The following SMYD3 variants were observed in gnomAD, a reference collection of about 807,000 sequenced individuals.
The protein encoded by SMYD3 is histone-lysine N-methyltransferase SMYD3.
A neutral mutation model predicts 57.7 loss-of-function variants in SMYD3; 36 were observed. The observed-to-expected ratio is 0.62, with a 90% CI of 0.48 to 0.82. The LOEUF (loss-of-function observed/expected upper bound fraction) is 0.82. Among genes scored for constraint, SMYD3 ranks in the 40% least tolerant of loss-of-function variants. The pLI is 0.00. For synonymous variants in SMYD3, 211 were observed against 195.0 expected (o/e 1.08, Z -0.68); for missense variants, 515 against 538.8 (o/e 0.96, Z 0.44).
chr1:245,782,874 A>G (rs1355118245), intron 10 of SMYD3, among the ~76,000 whole-genome samples: 1 of 152,224 alleles, frequency 6.6e-6, no homozygotes, highest in Non-Finnish European at 1.5e-5. Flanking sequence ...AGGGCAATGC[A>G]TAGTGAAACG....
At chr1:246,179,557 T>C (rs1175463961) in intron 5 of SMYD3, among the ~76,000 whole-genome samples, 2 of 152,214 alleles carry the variant, frequency 1.3e-5, no homozygotes, top group African/African-American at 4.8e-5. Context: ...ACAGCTGATT[T>C]ATTCGGATTC....
chr1:245,950,036 A>G (rs2057573358), intron 5 of SMYD3, among the ~76,000 whole-genome samples: 1 of 152,196 alleles, frequency 6.6e-6, no homozygotes, highest in Admixed American at 6.5e-5. Flanking sequence ...AAATGGAAGA[A>G]GCAATTGTTA....
intron 8 of SMYD3, among the ~76,000 whole-genome samples, chr1:245,886,350 AC>A (rs1164839140): frequency 6.6e-6 from 1 of 152,136 alleles, no homozygotes; most frequent in African/African-American, 2.4e-5. Context: ...GGGTCTGAAA[AC>A]GGCTTGTCAA....
intron 5 of SMYD3, among the ~76,000 whole-genome samples, chr1:245,981,216 G>T (rs566790123): frequency 6.6e-6 from 1 of 152,298 alleles, no homozygotes; most frequent in African/African-American, 2.4e-5. Flanking sequence ...GAGGTTTTAG[G>T]ACAGGTAGTG....
intron 1 of SMYD3, among the ~76,000 whole-genome samples, chr1:246,457,715 A>C (rs906720731): frequency 1.3e-5 from 2 of 152,182 alleles, no homozygotes; most frequent in African/African-American, 4.8e-5. Context: ...TCTGTTCACA[A>C]CTTAGTGCTT....
rs61147984 is a variant in SMYD3 at position 245,765,223 on chromosome 1, T to TA, written c.1077-1075dup. On this transcript the variant is annotated intron_variant, in intron 10 of 11. Transcript: ENST00000490107. ...TAACAAGGCAAAACCCTTTCTCTAT[T>TA]AAAAAAAAAAAAAAAATACAAAAAT... 1.3e-3 allele frequency among the ~76,000 whole-genome samples: 148 copies of TA among 113,528 alleles called. 1 individual carries two copies. The highest frequency in any genetic ancestry group is 7.9e-3 in the Middle Eastern group (2 of 252). 74.5% of individuals were successfully genotyped at this position (113,528 alleles called of 152,430 possible).
chr1:245,963,742 C>A (rs987529053), intron 5 of SMYD3, among the ~76,000 whole-genome samples: 1 of 152,064 alleles, frequency 6.6e-6, no homozygotes, highest in East Asian at 1.9e-4. Flanking sequence ...CTAACCAGAC[C>A]CTAACTTGCT....
At chr1:245,810,235 C>G (rs1197855782) in intron 10 of SMYD3, among the ~76,000 whole-genome samples, 1 of 152,294 alleles carries the variant, frequency 6.6e-6, no homozygotes, top group East Asian at 1.9e-4. Context: ...ACCCAACAGG[C>G]TGGGAGAGGC....
chr1:246,083,393 A>C (rs1480996686), intron 5 of SMYD3, among the ~76,000 whole-genome samples: 1 of 151,214 alleles, frequency 6.6e-6, no homozygotes, highest in Non-Finnish European at 1.5e-5. Flanking sequence ...ACATTTGTTC[A>C]CATGTTTTCC....
rs371212717 is a variant in SMYD3 at position 245,886,625 on chromosome 1, G to A, written c.814-22739C>T. On this transcript the variant is annotated intron_variant, in intron 8 of 11. Coordinates refer to ENST00000490107, the MANE Select transcript of SMYD3 (RefSeq NM_001167740.2). ...CCAAAAGCATCTCATTCTTTGTGGG[G>A]GAGGAAGAAAGCTGCCATCATAGAT... is the stretch of plus-strand genomic sequence containing the variant. Among the ~76,000 whole-genome samples, 12 of 152,178 alleles carry A rather than the reference G, an allele frequency of 7.9e-5. No homozygotes were observed. In the East Asian group the frequency reaches 2.3e-3, roughly 29 times the overall value.
chr1:246,083,234 A>G (rs1000952120), intron 5 of SMYD3, among the ~76,000 whole-genome samples: 15 of 152,190 alleles, frequency 9.9e-5, no homozygotes, highest in Admixed American at 2.0e-4. Context: ...CCGATTGTAT[A>G]TTCCATCTAC....
chr1:246,020,229 T>C (rs1326155557), intron 5 of SMYD3, among the ~76,000 whole-genome samples: 2 of 152,200 alleles, frequency 1.3e-5, no homozygotes, highest in African/African-American at 2.4e-5. Context: ...GCAAGCAAAA[T>C]CTATACTGAT....
chr1:246,288,660 T>C (rs527544452), intron 5 of SMYD3, among the ~76,000 whole-genome samples: 18 of 152,174 alleles, frequency 1.2e-4, no homozygotes, highest in African/African-American at 4.3e-4. Flanking sequence ...ATGCAAAGAA[T>C]TGAGCATTTA....
rs570133700 is a variant in SMYD3 at position 246,047,682 on chromosome 1, CA to C, written c.532-117746del. On this transcript the variant is annotated intron_variant, in intron 5 of 11. Coordinates refer to ENST00000490107, the MANE Select transcript of SMYD3 (RefSeq NM_001167740.2). The stretch of plus-strand genomic sequence containing the variant: ...TGAAACTACATCTCTACAAAAAACA[CA>C]AAAAAATCAGCCAGGCATGGTGGTG... Among the ~76,000 whole-genome samples, 3 of 151,884 alleles carry C rather than the reference CA, an allele frequency of 2.0e-5. No individual in the cohort carries two copies. In the South Asian group the frequency reaches 6.2e-4, roughly 32 times the overall value.
At chr1:246,228,745 A>C (rs1273702721) in intron 5 of SMYD3, among the ~76,000 whole-genome samples, 1 of 152,214 alleles carries the variant, frequency 6.6e-6, no homozygotes, top group Non-Finnish European at 1.5e-5. Context: ...AGGTGTTTCC[A>C]GCAGCACCAT....
intron 5 of SMYD3, chr1:246,321,630 G>A (rs143580974): frequency 6.6e-6 from 1 of 152,240 alleles, no homozygotes; most frequent in African/African-American, 2.4e-5. Context: ...ACACCGAGTA[G>A]CTAATTGTAA....
At chr1:246,200,522 A>C (rs1245253968) in intron 5 of SMYD3, among the ~76,000 whole-genome samples, 1 of 149,644 alleles carries the variant, frequency 6.7e-6, no homozygotes, top group Non-Finnish European at 1.5e-5. Flanking sequence ...AGACGCTGAG[A>C]AAGAATGTAC....
intron 5 of SMYD3, chr1:246,178,763 TGCCAGCCTGTA>T (rs1017215379): frequency 1.1e-4 from 16 of 152,130 alleles, no homozygotes; most frequent in African/African-American, 3.6e-4. Context: ...GAGGTCTAAG[TGCCAGCCTGTA>T]GCCATGTTCT....
At chr1:246,244,180 T>C (rs1005929180) in intron 5 of SMYD3, among the ~76,000 whole-genome samples, 1 of 152,120 alleles carries the variant, frequency 6.6e-6, no homozygotes, top group Non-Finnish European at 1.5e-5. Flanking sequence ...AGGTTAGCTA[T>C]AGTTCCTGAG....
Sources: gnomAD v4.1 joint callset for allele counts (sites outside exome capture counted in the v4.1 genomes callset) on GRCh38, gnomAD v4.1.1 for gene constraint, MANE v1.5 for transcripts, NCBI Gene and HGNC (gene_info 2026-07-23, HGNC 2026-07-21) for gene names.